SORCS2: variants seen among roughly 807,000 people sequenced by gnomAD.
SORCS2 encodes VPS10 domain-containing receptor SorCS2.
Under a neutral mutation model 141.6 loss-of-function variants are expected in SORCS2, and 100 were observed. The ratio of observed to expected loss-of-function variants is 0.71; its 90% CI spans 0.60 to 0.83. SORCS2 has a LOEUF of 0.83. Ranked by LOEUF, SORCS2 falls within the 40% of genes least tolerant of loss-of-function variation. The pLI, the probability that SORCS2 is intolerant of heterozygous loss-of-function variation, is 0.00. For missense variants in SORCS2, 1,646 were observed against 1,560.2 expected (o/e 1.05, Z -0.93); for synonymous variants, 789 against 676.9 (o/e 1.17, Z -2.57).
chr4:7,583,036 A>G (rs562705160), intron 3 of SORCS2, among the ~76,000 whole-genome samples: 1 of 152,316 alleles, frequency 6.6e-6, no homozygotes, highest in Non-Finnish European at 1.5e-5. Context: ...AAATTGGGTC[A>G]GCATTCCTTA....
intron 3 of SORCS2, among the ~76,000 whole-genome samples, chr4:7,599,270 G>A (rs1193839444): frequency 2.6e-5 from 4 of 152,180 alleles, no homozygotes; most frequent in Non-Finnish European, 5.9e-5. Flanking sequence ...TGCCAGCCAG[G>A]ACTGGGAGCC....
intron 2 of SORCS2, among the ~76,000 whole-genome samples, chr4:7,486,258 C>A (rs985648885): frequency 5.6e-5 from 2 of 35,972 alleles, no homozygotes; most frequent in African/African-American, 2.3e-4. Context: ...TCCCAGGTCA[C>A]AGCCCAACCT....
chr4:7,615,088 CCATCCATT>C (rs1460554686), intron 3 of SORCS2, among the ~76,000 whole-genome samples: 14 of 152,246 alleles, frequency 9.2e-5, no homozygotes, highest in African/African-American at 3.4e-4. Context: ...ACCCATCCAT[CCATCCATT>C]CATCTACTCA....
chr4:7,666,357 G>A (rs779210196), intron 7 of SORCS2, among the ~76,000 whole-genome samples: 5 of 152,154 alleles, frequency 3.3e-5, no homozygotes, highest in African/African-American at 9.7e-5. Context: ...GGGGGCCACC[G>A]ACTCCATCCA....
chr4:7,403,812 T>G (rs754513394), intron 2 of SORCS2, among the ~76,000 whole-genome samples: 13 of 144,644 alleles, frequency 9.0e-5, no homozygotes, highest in Non-Finnish European at 1.7e-4. Flanking sequence ...ATGTGTAGAT[T>G]GCATAATGGT....
intron 2 of SORCS2, among the ~76,000 whole-genome samples, chr4:7,452,336 T>G (rs13147342): frequency 0.3 from 45,145 of 151,936 alleles, 8,496 homozygotes; most frequent in Middle Eastern, 0.45. Flanking sequence ...GAGACAGAGT[T>G]TCACCACATT....
At chr4:7,444,563 G>T (rs924577426) in intron 2 of SORCS2, among the ~76,000 whole-genome samples, 1 of 152,232 alleles carries the variant, frequency 6.6e-6, no homozygotes, top group African/African-American at 2.4e-5. Context: ...AGTGATGGGG[G>T]CAGGAGCAGA....
In SORCS2 at chr4:7,729,713, G is replaced by T; in HGVS notation, c.3108+1G>T. On this transcript the variant is annotated splice_donor_variant, in intron 23 of 26. Transcript: ENST00000507866. LOFTEE classifies it high-confidence loss of function. The stretch of plus-strand genomic sequence containing the variant: ...GAAGAGGAGCCTCTCGAGTGATAAG[G>T]TATGTCCTGTGGCCGCTGCACTCCC... 3 of 1,610,718 alleles carry T rather than the reference G, an allele frequency of 1.9e-6. No homozygotes were observed. The highest frequency in any genetic ancestry group is 2.5e-6 in the Non-Finnish European group (3 of 1,178,534).
At chr4:7,523,596 C>T (rs1378447801) in intron 2 of SORCS2, among the ~76,000 whole-genome samples, 2 of 151,960 alleles carry the variant, frequency 1.3e-5, no homozygotes, top group East Asian at 1.9e-4. Context: ...TGGCAGCACC[C>T]CTTCCCTCCC....
intron 1 of SORCS2, among the ~76,000 whole-genome samples, chr4:7,327,618 G>A (rs1438781575): frequency 2.0e-5 from 3 of 152,212 alleles, no homozygotes; most frequent in Non-Finnish European, 2.9e-5. Context: ...TCCCAGAACT[G>A]TCCTGTGCTC....
Position 7,527,058 on chromosome 4 carries a change from T to C in SORCS2, c.549-4472T>C, listed in dbSNP as rs190157069. Among the ~76,000 whole-genome samples the C allele has an allele frequency of 3.5e-4, 53 of 152,350 alleles. No individual in the cohort carries two copies. The East Asian group carries it at 7.7e-3, about 22-fold the overall frequency. On this transcript the variant is annotated intron_variant, in intron 2 of 26. Coordinates refer to ENST00000507866, the MANE Select transcript of SORCS2 (RefSeq NM_020777.3). ...GCTAGGCGGCCCTGCGGGTCAGTGG[T>C]GCTGCCCGACAATGCGGGTCCAGCC...
At chr4:7,405,529 G>C (rs1577509635) in intron 2 of SORCS2, among the ~76,000 whole-genome samples, 1 of 151,924 alleles carries the variant, frequency 6.6e-6, no homozygotes, top group Non-Finnish European at 1.5e-5. Flanking sequence ...TTCTAAGGAG[G>C]CGTTTGTAGT....
chr4:7,550,439 G>T (rs1242249268), intron 3 of SORCS2, among the ~76,000 whole-genome samples: 1 of 152,208 alleles, frequency 6.6e-6, no homozygotes, highest in Non-Finnish European at 1.5e-5. Flanking sequence ...CCACTGCTTT[G>T]TGTGGTGGGC....
intron 1 of SORCS2, among the ~76,000 whole-genome samples, chr4:7,390,058 C>G (rs1456675648): frequency 6.6e-6 from 1 of 152,186 alleles, no homozygotes; most frequent in East Asian, 1.9e-4. Context: ...GGCCAGTCCC[C>G]ACTGTGAGGG....
chr4:7,629,926 C>T (rs1451967986), intron 3 of SORCS2, among the ~76,000 whole-genome samples: 4 of 152,106 alleles, frequency 2.6e-5, no homozygotes, highest in Admixed American at 6.6e-5. Flanking sequence ...TGTATTTCCC[C>T]GTTTTATTTA....
At chr4:7,705,422 A>G (rs1053795894) in intron 14 of SORCS2, among the ~76,000 whole-genome samples, 19 of 152,336 alleles carry the variant, frequency 1.2e-4, no homozygotes, top group African/African-American at 4.6e-4. Context: ...GTAATTTGCC[A>G]CAGTAGCCCC....
At position 7,740,647 on chromosome 4, in the gene SORCS2, G is replaced by C. The variant is rs1489665580; in HGVS notation, c.*383G>C. 1 of 304,828 alleles carries C rather than the reference G, an allele frequency of 3.3e-6. No homozygotes were observed. The highest frequency in any genetic ancestry group is 6.2e-6 in the Non-Finnish European group (1 of 160,084). 18.9% of individuals were successfully genotyped at this position (304,828 alleles called of 1,614,324 possible). On this transcript the variant is annotated 3_prime_UTR_variant, in exon 27 of 27. Coordinates refer to ENST00000507866, the MANE Select transcript of SORCS2 (RefSeq NM_020777.3). The stretch of plus-strand genomic sequence containing the variant: ...GCTGCAAGAGCTGCAGACCCGTTCA[G>C]ACACTGCGTTGCGGGCTCCTTCCCC...
intron 24 of SORCS2, 125 bp from the exon 25 acceptor site, chr4:7,734,147 G>C: frequency 1.5e-6 from 1 of 658,796 alleles, no homozygotes; most frequent in Non-Finnish European, 2.6e-6. Context: ...GGGACAGGCA[G>C]GGGACAAGCT....
chr4:7,655,216 C>T (rs1415337397), intron 5 of SORCS2, among the ~76,000 whole-genome samples: 1 of 152,092 alleles, frequency 6.6e-6, no homozygotes, highest in Non-Finnish European at 1.5e-5. Flanking sequence ...CACACACACA[C>T]ACACACACAC....
Sources: allele counts gnomAD v4.1 joint callset (sites outside exome capture counted in the v4.1 genomes callset), GRCh38; gene constraint gnomAD v4.1.1; transcripts MANE v1.5; gene names NCBI Gene and HGNC (gene_info 2026-07-23, HGNC 2026-07-21).